The following PPP2R3A variants were observed in gnomAD, a reference collection of about 807,000 sequenced individuals.
PPP2R3A encodes serine/threonine-protein phosphatase 2A regulatory subunit B'' subunit alpha.
PPP2R3A carries 80 observed loss-of-function variants against 106.9 expected under a neutral mutation model. The observed-to-expected ratio is 0.75, with a 90% CI of 0.62 to 0.90. The LOEUF (loss-of-function observed/expected upper bound fraction) is 0.90. Ranked by LOEUF, PPP2R3A falls within the 40% of genes least tolerant of loss-of-function variation. PPP2R3A has a pLI of 0.00. For synonymous variants in PPP2R3A, 483 were observed against 468.3 expected (o/e 1.03, Z -0.41); for missense variants, 1,386 against 1,350.4 (o/e 1.03, Z -0.41).
rs375404311 is a variant in PPP2R3A, at chr3:136,040,840, A to G, written c.2263-19A>G. The G allele has an allele frequency of 2.4e-5, 38 of 1,599,776 alleles. 1 individual carries two copies. In the Middle Eastern group the frequency reaches 5.0e-4, roughly 21 times the overall value. ...TTCATTCCCTGTTGGCTTACCCTGT[A>G]TGTGTTTTCTATTTGCAGGTCTGTG... On this transcript the variant is annotated intron_variant, in intron 3 of 13. Transcript: ENST00000264977.
intron 1 of PPP2R3A, among the ~76,000 whole-genome samples, chr3:135,992,374 G>A (rs1487185331): frequency 6.6e-6 from 1 of 152,098 alleles, no homozygotes; most frequent in African/African-American, 2.4e-5. Context: ...ATCCACCTAA[G>A]TGGCATGGAC....
At chr3:136,120,536 C>T (rs776149678) in intron 13 of PPP2R3A, among the ~76,000 whole-genome samples, 9 of 151,834 alleles carry the variant, frequency 5.9e-5, no homozygotes, top group Non-Finnish European at 1.0e-4. Context: ...TGCAGTGAGC[C>T]GATACCGTGC....
intron 2 of PPP2R3A, among the ~76,000 whole-genome samples, chr3:136,024,677 C>A (rs115969414): frequency 0.011 from 1,654 of 152,276 alleles, 25 homozygotes; most frequent in African/African-American, 0.033. Flanking sequence ...TTCATCCCTG[C>A]TGGCACCAGT....
At chr3:136,008,395 A>G (rs951964705) in intron 2 of PPP2R3A, among the ~76,000 whole-genome samples, 5 of 152,134 alleles carry the variant, frequency 3.3e-5, no homozygotes, top group Non-Finnish European at 7.4e-5. Context: ...AATAAAAGTA[A>G]ACACATCTGC....
intron 3 of PPP2R3A, among the ~76,000 whole-genome samples, chr3:136,040,034 A>G (rs760176590): frequency 1.3e-4 from 20 of 152,214 alleles, no homozygotes; most frequent in East Asian, 1.9e-4. Context: ...AACCATTTAA[A>G]TAGATATGAT....
intron 5 of PPP2R3A, among the ~76,000 whole-genome samples, chr3:136,064,821 C>A (rs1936208473): frequency 1.3e-5 from 2 of 152,068 alleles, no homozygotes. Context: ...TAATGAAATA[C>A]GTTCCTCATA....
At chr3:136,126,864 G>A (rs544204703) in intron 13 of PPP2R3A, among the ~76,000 whole-genome samples, 2 of 152,214 alleles carry the variant, frequency 1.3e-5, no homozygotes, top group East Asian at 1.9e-4. Flanking sequence ...GTGATACCCC[G>A]GCAAACAGAG....
intron 2 of PPP2R3A, among the ~76,000 whole-genome samples, chr3:136,003,858 AG>A (rs1933748047): frequency 6.6e-6 from 1 of 152,208 alleles, no homozygotes; most frequent in Admixed American, 6.5e-5. Flanking sequence ...CCTTACACAA[AG>A]TAGGCATTTA....
intron 13 of PPP2R3A, among the ~76,000 whole-genome samples, chr3:136,137,533 G>GTTTTTTTTTTTTTTTTTTT (rs1559941176): frequency 2.6e-5 from 1 of 38,438 alleles, no homozygotes; most frequent in African/African-American, 7.5e-5. Context: ...CTCTGTCAGA[G>GTTTTTTTTTTTTTTTTTTT]ATTTTTTTTT....
intron 11 of PPP2R3A, 39 bp from the exon 12 acceptor site, chr3:136,103,219 T>C: frequency 7.1e-7 from 1 of 1,405,626 alleles, no homozygotes; most frequent in Non-Finnish European, 9.9e-7. Flanking sequence ...CCAAAACAGC[T>C]CTTGATGAAA....
intron 13 of PPP2R3A, among the ~76,000 whole-genome samples, chr3:136,117,717 A>T (rs149970068): frequency 7.2e-4 from 109 of 152,232 alleles, no homozygotes; most frequent in Middle Eastern, 3.4e-3. Flanking sequence ...TAACTTCTGA[A>T]ATTGAGGCAG....
intron 1 of PPP2R3A, among the ~76,000 whole-genome samples, chr3:135,988,614 C>G (rs1933025083): frequency 6.6e-6 from 1 of 152,118 alleles, no homozygotes; most frequent in South Asian, 2.1e-4. Flanking sequence ...CATTCTCACT[C>G]TTGCTAAAAC....
At chr3:136,064,069 A>G (rs1936177882) in intron 5 of PPP2R3A, among the ~76,000 whole-genome samples, 2 of 152,044 alleles carry the variant, frequency 1.3e-5, no homozygotes, top group East Asian at 3.9e-4. Context: ...CATATACACC[A>G]TGGAATACTA....
chr3:136,024,623 C>A, intron 2 of PPP2R3A, among the ~76,000 whole-genome samples: 1 of 152,142 alleles, frequency 6.6e-6, no homozygotes, highest in Admixed American at 6.6e-5. Flanking sequence ...GAAGACCTTG[C>A]TGTAAACCTT....
At chr3:136,037,142 C>T (rs1057505424) in intron 3 of PPP2R3A, among the ~76,000 whole-genome samples, 1 of 152,206 alleles carries the variant, frequency 6.6e-6, no homozygotes, top group African/African-American at 2.4e-5. Flanking sequence ...TAGTGGCACT[C>T]AAGTGTAGCT....
At chr3:136,039,687 G>A (rs1374307611) in intron 3 of PPP2R3A, among the ~76,000 whole-genome samples, 1 of 152,176 alleles carries the variant, frequency 6.6e-6, no homozygotes, top group African/African-American at 2.4e-5. Context: ...GTGTGGCCCA[G>A]TACCTAACAG....
At chr3:136,009,642 T>G (rs1933977003) in intron 2 of PPP2R3A, among the ~76,000 whole-genome samples, 1 of 152,156 alleles carries the variant, frequency 6.6e-6, no homozygotes, top group Admixed American at 6.5e-5. Flanking sequence ...GAAATGCATA[T>G]TCTCCTACCC....
intron 3 of PPP2R3A, among the ~76,000 whole-genome samples, chr3:136,034,058 A>T: frequency 1.4e-5 from 2 of 138,022 alleles, no homozygotes; most frequent in Non-Finnish European, 3.1e-5. Context: ...TTTTTTTGAG[A>T]CAGAATCTCT....
In PPP2R3A at chr3:136,003,341, CT is replaced by C; in HGVS notation, c.1844del (p.Leu615HisfsTer7). On this transcript the variant is annotated frameshift_variant, in exon 2 of 14. Coordinates refer to ENST00000264977, the MANE Select transcript of PPP2R3A (RefSeq NM_002718.5). LOFTEE classifies it high-confidence loss of function. ...LVECKSSRGS[L>X]SQEKEMMQIL... ...TGAATGCAAATCAAGCAGAGGGAGC[CT>C]ATCACAAGAAAAGGAAATGATGCAA... The C allele has an allele frequency of 6.2e-7, 1 of 1,613,974 alleles. No individual in the cohort carries two copies. Among genetic ancestry groups the C allele is most frequent in the Non-Finnish European group, 8.5e-7 (1 of 1,179,954 alleles).
Sources: allele counts gnomAD v4.1 joint callset (sites outside exome capture counted in the v4.1 genomes callset), GRCh38; gene constraint gnomAD v4.1.1; transcripts MANE v1.5; gene names NCBI Gene and HGNC (gene_info 2026-07-23, HGNC 2026-07-21).